The following JMJD1C variants were observed in gnomAD, a reference collection of about 807,000 sequenced individuals.
JMJD1C encodes jumonji domain containing 1C.
In JMJD1C, 31 loss-of-function variants were observed where a neutral mutation model predicts 245.3. The ratio of observed to expected loss-of-function variants is 0.13; its 90% CI spans 0.09 to 0.17. The LOEUF (loss-of-function observed/expected upper bound fraction) is 0.17. Among genes scored for constraint, JMJD1C ranks in the 10% least tolerant of loss-of-function variants. JMJD1C has a pLI of 1.00. For missense variants in JMJD1C, 2,691 were observed against 3,000.2 expected (o/e 0.90, Z 2.41); for synonymous variants, 1,057 against 1,017.4 (o/e 1.04, Z -0.74).
chr10:63,352,236 T>C (rs923810494), intron 2 of JMJD1C, among the ~76,000 whole-genome samples: 1 of 152,018 alleles, frequency 6.6e-6, no homozygotes, highest in Non-Finnish European at 1.5e-5. Context: ...GCAAGTAAAA[T>C]TGAAAAAGAA....
At chr10:63,198,373 A>G (rs1845678859) in intron 12 of JMJD1C, 140 bp downstream of exon 12, 1 of 595,140 alleles carries the variant, frequency 1.7e-6, no homozygotes, top group Non-Finnish European at 3.0e-6. Flanking sequence ...GTAACCTTAA[A>G]TACATACTGT....
chr10:63,366,039 G>T (rs1945809556), intron 2 of JMJD1C, among the ~76,000 whole-genome samples: 3 of 152,138 alleles, frequency 2.0e-5, no homozygotes, highest in Admixed American at 1.3e-4. Flanking sequence ...TGCTACCAAA[G>T]GAACATATCA....
rs1238329442 is a variant in JMJD1C at position 63,320,504 on chromosome 10, C to T, written c.334-55740G>A. On this transcript the variant is annotated intron_variant, in intron 2 of 25. Coordinates refer to ENST00000399262, the MANE Select transcript of JMJD1C (RefSeq NM_032776.3). The stretch of plus-strand genomic sequence containing the variant: ...TCAGCCCCATTGAGCTCAAGACATA[C>T]AGGTGGAAAATACCTAAGGTGGAAT... 2.0e-5 allele frequency among the ~76,000 whole-genome samples: 3 copies of T among 152,128 alleles called. No individual in the cohort carries two copies. The East Asian group carries it at 5.8e-4, about 29-fold the overall frequency.
intron 22 of JMJD1C, 124 bp from the exon 23 acceptor site, chr10:63,177,980 A>G: frequency 3.5e-5 from 35 of 1,012,270 alleles, no homozygotes; most frequent in Non-Finnish European, 4.9e-5. Context: ...TTTTTTGGTC[A>G]CCCAGGCTGG....
At chr10:63,191,799 A>G (rs2132986847) in intron 16 of JMJD1C, among the ~76,000 whole-genome samples, 1 of 151,952 alleles carries the variant, frequency 6.6e-6, no homozygotes, top group Middle Eastern at 3.4e-3. Flanking sequence ...AACCTGGCCA[A>G]CATGCTGAAA....
intron 1 of JMJD1C, among the ~76,000 whole-genome samples, chr10:63,512,822 T>A (rs1954911019): frequency 6.6e-6 from 1 of 152,200 alleles, no homozygotes; most frequent in Non-Finnish European, 1.5e-5. Context: ...TCCTTATGTA[T>A]ATTTTGCACC....
chr10:63,315,838 C>CA (rs531544593), intron 2 of JMJD1C, among the ~76,000 whole-genome samples: 11,991 of 54,812 alleles, frequency 0.22, 1,880 homozygotes, highest in African/African-American at 0.46. Flanking sequence ...GACACCGTCT[C>CA]AAAAAAAAAA....
At chr10:63,195,601 T>C (rs906109798) in intron 13 of JMJD1C, among the ~76,000 whole-genome samples, 9 of 152,148 alleles carry the variant, frequency 5.9e-5, no homozygotes, top group South Asian at 2.1e-4. Context: ...AAAATAGATA[T>C]ATAGATAGTA....
chr10:63,440,353 A>AATATATATAT (rs56068128), intron 1 of JMJD1C, among the ~76,000 whole-genome samples: 1 of 120,238 alleles, frequency 8.3e-6, no homozygotes, highest in African/African-American at 3.1e-5. Context: ...AAAAAAAAAA[A>AATATATATAT]ATATATATAT....
chr10:63,455,966 A>G (rs1952384100), intron 1 of JMJD1C, among the ~76,000 whole-genome samples: 1 of 152,140 alleles, frequency 6.6e-6, no homozygotes, highest in South Asian at 2.1e-4. Context: ...AACTGTAAGC[A>G]TATTTGCTTT....
At chr10:63,419,741 GA>G (rs1350535529) in intron 1 of JMJD1C, among the ~76,000 whole-genome samples, 1 of 142,346 alleles carries the variant, frequency 7.0e-6, no homozygotes, top group African/African-American at 2.6e-5. Context: ...AGGTGGCTTA[GA>G]AAATCTCAAA....
At chr10:63,518,995 C>G (rs1564984650) in intron 1 of JMJD1C, among the ~76,000 whole-genome samples, 1 of 152,190 alleles carries the variant, frequency 6.6e-6, no homozygotes, top group Non-Finnish European at 1.5e-5. Flanking sequence ...CTAAACCTCA[C>G]TTTCCATGGT....
chr10:63,242,373 A>C (rs1851588688), intron 3 of JMJD1C, among the ~76,000 whole-genome samples: 1 of 152,222 alleles, frequency 6.6e-6, no homozygotes, highest in South Asian at 2.1e-4. Context: ...TTTACGTTTA[A>C]ATAGCCACAT....
At chr10:63,394,251 G>GA (rs1948304082) in intron 1 of JMJD1C, among the ~76,000 whole-genome samples, 1 of 149,336 alleles carries the variant, frequency 6.7e-6, no homozygotes, top group African/African-American at 2.5e-5. Flanking sequence ...ACACACAGAT[G>GA]AATAAGAGAA....
At position 63,214,659 on chromosome 10, in the gene JMJD1C, G is replaced by T. The variant is rs754451296; in HGVS notation, c.1508C>A (p.Pro503Gln). ...LLPKEKFVSR[P>Q]PTPKCVIDIT... The stretch of plus-strand genomic sequence containing the variant: ...ATCAATAACACATTTTGGTGTGGGT[G>T]GTCTGGATACAAACTTCTCCTTTGG... The change falls in exon 8 of 26, where the codon CCA becomes CAA. Residue 503 changes from proline to glutamine, a missense_variant. By Grantham distance (76) the Pro-to-Gln change is moderately conservative. This residue lies in a region of JMJD1C where 1,562 missense variants were observed against 1,490.7 expected (regional missense o/e 1.05). Coordinates refer to ENST00000399262, the MANE Select transcript of JMJD1C (RefSeq NM_032776.3). The T allele has an allele frequency of 2.5e-6, 4 of 1,613,946 alleles. No homozygotes were observed. The Admixed American group carries it at 6.7e-5, about 27-fold the overall frequency.
In JMJD1C at chr10:63,208,063, T is replaced by C. The variant is rs1185557659; in HGVS notation, c.3606A>G (p.Ala1202=). Residue 1202 remains alanine, a synonymous_variant, in exon 10 of 26, where the codon GCA becomes GCG. Coordinates refer to ENST00000399262, the MANE Select transcript of JMJD1C (RefSeq NM_032776.3). Reference sequence around the variant, plus strand: ...GGTGAAATACTGGTGCTCTATGTAATGCAGGCATACTGCGGAGTGTATTTG... The same window carrying C: ...GGTGAAATACTGGTGCTCTATGTAACGCAGGCATACTGCGGAGTGTATTTG... ...SSTNTLRSMP[A]LHRAPVFHPP... 1.9e-6 allele frequency: 3 copies of C among 1,614,152 alleles called. No homozygotes were observed. Among genetic ancestry groups the C allele is most frequent in the Admixed American group, 1.7e-5 (1 of 60,024 alleles).
intron 1 of JMJD1C, among the ~76,000 whole-genome samples, chr10:63,431,423 G>A (rs756271446): frequency 6.6e-6 from 1 of 152,198 alleles, no homozygotes; most frequent in African/African-American, 2.4e-5. Flanking sequence ...GGGTATAACA[G>A]AAGGCTCCTA....
chr10:63,340,867 C>G (rs528695180), intron 2 of JMJD1C, among the ~76,000 whole-genome samples: 1 of 152,192 alleles, frequency 6.6e-6, no homozygotes, highest in African/African-American at 2.4e-5. Context: ...ATCGCTTGAA[C>G]CCAGGAGATG....
intron 2 of JMJD1C, among the ~76,000 whole-genome samples, chr10:63,294,076 C>A (rs1306847193): frequency 6.6e-6 from 1 of 152,102 alleles, no homozygotes; most frequent in African/African-American, 2.4e-5. Context: ...CACTTTATTA[C>A]TACATTTTGC....
Sources: allele counts gnomAD v4.1 joint callset (sites outside exome capture counted in the v4.1 genomes callset), GRCh38; gene constraint gnomAD v4.1.1; regional missense constraint gnomAD v4.1.1; transcripts MANE v1.5; gene names NCBI Gene and HGNC (gene_info 2026-07-23, HGNC 2026-07-21).